EPM2A: variants seen among roughly 807,000 people sequenced by gnomAD.
The protein encoded by EPM2A is EPM2A glucan phosphatase, laforin, also known as laforin.
EPM2A carries 21 observed loss-of-function variants against 26.5 expected under a neutral mutation model. The ratio of observed to expected loss-of-function variants is 0.79; its 90% confidence interval spans 0.56 to 1.14. The LOEUF is 1.14. EPM2A is among the 50% of genes most tolerant of loss of function. The probability of loss-of-function intolerance (pLI) is 0.00; values close to 1 mark genes in which losing one functional copy is unlikely to be tolerated. For missense variants in EPM2A, 458 were observed against 440.8 expected (o/e 1.04, Z -0.35); for synonymous variants, 217 against 177.6 (o/e 1.22, Z -1.76).
At chr6:145,456,506 G>A (rs1202971347) in intron 4 of EPM2A, among the ~76,000 whole-genome samples, 3 of 152,120 alleles carry the variant, frequency 2.0e-5, no homozygotes, top group African/African-American at 7.2e-5. Context: ...AATGAATAGA[G>A]TTTTCCATCT....
At chr6:145,579,057 C>T (rs947150452) in intron 2 of EPM2A, among the ~76,000 whole-genome samples, 33 of 151,870 alleles carry the variant, frequency 2.2e-4, no homozygotes, top group Admixed American at 1.6e-3. Context: ...TGTTAAATGA[C>T]GAGTTAATAG....
Position 145,626,217 on chromosome 6 carries a change from C to T in EPM2A, c.*1199G>A, listed in dbSNP as rs1775798939. 12 of 991,648 alleles carry T rather than the reference C, an allele frequency of 1.2e-5. No individual in the cohort carries two copies. The highest frequency in any genetic ancestry group is 1.4e-5 in the Non-Finnish European group (12 of 833,652). 61.4% of individuals were successfully genotyped at this position (991,648 alleles called of 1,614,324 possible). ...AATGCAGGTCTGTTTCTAGGCAGCA[C>T]ATTTTTGAAGGCAAAGTTGTTCATC... On this transcript the variant is annotated 3_prime_UTR_variant, in exon 4 of 4. Transcript: ENST00000367519.
chr6:145,719,927 A>G (rs1383571228), intron 1 of EPM2A, among the ~76,000 whole-genome samples: 1 of 135,866 alleles, frequency 7.4e-6, no homozygotes, highest in African/African-American at 2.9e-5. Flanking sequence ...CAAAATAACG[A>G]TTTAAACAAT....
chr6:145,543,265 C>A (rs1438071911), intron 2 of EPM2A, among the ~76,000 whole-genome samples: 1 of 151,792 alleles, frequency 6.6e-6, no homozygotes, highest in East Asian at 1.9e-4. Context: ...TCAATACAGT[C>A]AAAATAAATT....
At chr6:145,531,811 C>T (rs1780359762) in intron 2 of EPM2A, among the ~76,000 whole-genome samples, 1 of 152,208 alleles carries the variant, frequency 6.6e-6, no homozygotes, top group Non-Finnish European at 1.5e-5. Context: ...CAGACACAGA[C>T]ACCATTCACT....
chr6:145,428,353 T>G (rs1348381200), intron 4 of EPM2A, among the ~76,000 whole-genome samples: 1 of 152,230 alleles, frequency 6.6e-6, no homozygotes. Context: ...CTCTGACATT[T>G]AACTTTTATT....
At chr6:145,495,810 C>T (rs190246293) in intron 4 of EPM2A, among the ~76,000 whole-genome samples, 41 of 152,262 alleles carry the variant, frequency 2.7e-4, no homozygotes, top group Admixed American at 8.5e-4. Flanking sequence ...CTCCTGACCT[C>T]GTGATCTGCC....
chr6:145,490,180 C>T (rs1779736944), intron 4 of EPM2A: 1 of 1,035,440 alleles, frequency 9.7e-7, no homozygotes, highest in African/African-American at 1.6e-5. Context: ...TTACTAGACG[C>T]TCTGAAATAG....
intron 2 of EPM2A, among the ~76,000 whole-genome samples, chr6:145,671,745 A>G (rs1268717456): frequency 6.6e-6 from 1 of 152,198 alleles, no homozygotes; most frequent in Non-Finnish European, 1.5e-5. Flanking sequence ...AATGTGCAAA[A>G]TTATTGTTCT....
intron 2 of EPM2A, among the ~76,000 whole-genome samples, chr6:145,531,419 C>G (rs1218620588): frequency 1.3e-5 from 2 of 152,166 alleles, no homozygotes; most frequent in Non-Finnish European, 1.5e-5. Flanking sequence ...ACTATTGGCA[C>G]AAGCTTCATT....
At chr6:145,551,905 C>A in intron 2 of EPM2A, among the ~76,000 whole-genome samples, 1 of 150,728 alleles carries the variant, frequency 6.6e-6, no homozygotes. Flanking sequence ...GAACAAAGAG[C>A]AAGGCATAGT....
Position 145,627,618 on chromosome 6 carries a change from T to C in EPM2A, c.794A>G (p.His265Arg), listed in dbSNP as rs201053542. ...GGAGCGGCCCACCCCAGCGTTGCAG[T>C]GCACGTACACGATGTGTCCCTTCTC... ...LLEKGHIVYV[H>R]CNAGVGRSTA... Residue 265 changes from histidine (H) to arginine (R), a missense_variant, in exon 4 of 4, where the codon CAC (histidine) becomes CGC (arginine). Physicochemically the swap from His to Arg is conservative, Grantham distance 29. Coordinates refer to ENST00000367519, the MANE Select transcript of EPM2A (RefSeq NM_005670.4). The C allele has an allele frequency of 6.2e-7, 1 of 1,614,204 alleles. No individual in the cohort carries two copies. The highest frequency in any genetic ancestry group is 1.7e-5 in the Admixed American group (1 of 60,034).
chr6:145,442,445 C>T (rs1779076761), intron 4 of EPM2A, among the ~76,000 whole-genome samples: 1 of 152,158 alleles, frequency 6.6e-6, no homozygotes, highest in Non-Finnish European at 1.5e-5. Context: ...CAAAGCAGGT[C>T]TCACATGGTG....
Position 145,391,349 on chromosome 6 carries a change from A to G in EPM2A, c.556-7252T>C, listed in dbSNP as rs536203764. 3.9e-5 allele frequency among the ~76,000 whole-genome samples: 6 copies of G among 152,230 alleles called. No individual in the cohort carries two copies. The South Asian group carries it at 6.2e-4, about 16-fold the overall frequency. On this transcript the variant is annotated intron_variant, in intron 4 of 4. Transcript: ENST00000638717. ...CCTTCCTGATAAGAGACCACCGACC[A>G]TGGAATAATTGGTGCCAGTTTACAG...
At chr6:145,549,178 A>T (rs367728491) in intron 2 of EPM2A, among the ~76,000 whole-genome samples, 1 of 152,130 alleles carries the variant, frequency 6.6e-6, no homozygotes, top group Non-Finnish European at 1.5e-5. Flanking sequence ...GTGATAAAAT[A>T]TATGTGTTGT....
At chr6:145,428,542 A>C (rs1402933789) in intron 4 of EPM2A, among the ~76,000 whole-genome samples, 2 of 152,180 alleles carry the variant, frequency 1.3e-5, no homozygotes, top group African/African-American at 4.8e-5. Flanking sequence ...CATCATCATA[A>C]TTTTTAGAAA....
chr6:145,667,519 G>A (rs939715096), intron 2 of EPM2A, among the ~76,000 whole-genome samples: 118 of 150,852 alleles, frequency 7.8e-4, no homozygotes, highest in Admixed American at 1.4e-3. Context: ...GAAACAACAG[G>A]TGCTGGAGAG....
chr6:145,649,003 C>A (rs1322571687), intron 2 of EPM2A, among the ~76,000 whole-genome samples: 2 of 152,086 alleles, frequency 1.3e-5, no homozygotes, highest in African/African-American at 4.8e-5. Context: ...TCTTCAAGTA[C>A]CAAGTAGTGA....
chr6:145,474,752 A>G (rs896575076), intron 4 of EPM2A, among the ~76,000 whole-genome samples: 2 of 152,124 alleles, frequency 1.3e-5, no homozygotes, highest in Non-Finnish European at 2.9e-5. Context: ...GAATCTACAA[A>G]GAACTTAAAT....
Sources: gnomAD v4.1 joint callset for allele counts (sites outside exome capture counted in the v4.1 genomes callset) on GRCh38, gnomAD v4.1.1 for gene constraint, MANE v1.5 for transcripts, NCBI Gene and HGNC (gene_info 2026-07-23, HGNC 2026-07-21) for gene names.